Variants in PSORS1C1 observed in about 807,000 individuals in gnomAD.
PSORS1C1 encodes psoriasis susceptibility 1 candidate 1.
PSORS1C1 carries 7 observed loss-of-function variants against 9.4 expected under a neutral mutation model. The ratio of observed to expected loss-of-function variants is 0.75; its 90% confidence interval spans 0.42 to 1.40. The LOEUF (loss-of-function observed/expected upper bound fraction) is 1.40, where lower values mean the gene tolerates loss of function less well. Ranked by LOEUF, PSORS1C1 falls within the 40% of genes most tolerant of loss-of-function variation. The pLI is 0.01. For synonymous variants in PSORS1C1, 63 were observed against 69.4 expected, an observed-to-expected ratio of 0.91 and a Z score of 0.46; for missense variants, 146 against 178.1, an observed-to-expected ratio of 0.82 and a Z score of 1.02.
intron 3 of PSORS1C1, among the ~76,000 whole-genome samples, chr6:31,135,220 C>G (rs767969349): frequency 1.3e-5 from 2 of 152,098 alleles, no homozygotes; most frequent in Non-Finnish European, 2.9e-5. Context: ...AATCACATCA[C>G]TATTTATGTA....
At position 31,128,816 on chromosome 6, in the gene PSORS1C1, C is replaced by T. The variant is rs1393180792; in HGVS notation, c.-64-753C>T. 6.6e-6 allele frequency among the ~76,000 whole-genome samples: 1 copy of T among 152,094 alleles called. No homozygotes were observed. The highest frequency in any genetic ancestry group is 1.5e-5 in the Non-Finnish European group (1 of 68,022). On this transcript the variant is annotated intron_variant, in intron 2 of 5. Coordinates refer to ENST00000259881, the MANE Select transcript of PSORS1C1 (RefSeq NM_014068.3). This position sits in a 1 kb window ranked among gnomAD's most constrained non-coding sequence, Gnocchi z 4.3. ...CTGGGCTCCTACGTCAGGGTTTGCC[C>T]CCTCTCTAATTTAACTTTTTATCAA...
intron 1 of PSORS1C1, among the ~76,000 whole-genome samples, chr6:31,122,652 G>A (rs1466012593): frequency 2.6e-5 from 4 of 152,144 alleles, no homozygotes; most frequent in South Asian, 2.1e-4. Context: ...GGTGGTGGGC[G>A]CCTGTAATCC....
At chr6:31,122,651 C>T (rs1423188908) in intron 1 of PSORS1C1, among the ~76,000 whole-genome samples, 2 of 152,134 alleles carry the variant, frequency 1.3e-5, no homozygotes, top group African/African-American at 2.4e-5. Context: ...TGGTGGTGGG[C>T]GCCTGTAATC....
intron 1 of PSORS1C1, chr6:31,116,725 T>A: frequency 6.2e-7 from 1 of 1,612,824 alleles, no homozygotes; most frequent in South Asian, 1.1e-5. Context: ...ACCCACCACC[T>A]CGTAGCCACC....
chr6:31,124,543 T>G (rs1772599387), intron 1 of PSORS1C1, among the ~76,000 whole-genome samples: 1 of 152,214 alleles, frequency 6.6e-6, no homozygotes, highest in Non-Finnish European at 1.5e-5. Context: ...ATAGATCCTA[T>G]TACTCTGCAG....
Position 31,128,176 on chromosome 6 carries a change from C to T in PSORS1C1, c.-64-1393C>T, listed in dbSNP as rs1007517262. ...GCTCACCTTAGAACGGTCACCTTGA[C>T]GGCTAAAGGGACACCTGTGTGCCTT... On this transcript the variant is annotated intron_variant, in intron 2 of 5. Transcript: ENST00000259881. This position sits in a 1 kb window ranked among gnomAD's most constrained non-coding sequence, Gnocchi z 4.3. Among the ~76,000 whole-genome samples the T allele has an allele frequency of 7.2e-5, 11 of 152,214 alleles. No individual in the cohort carries two copies. The highest frequency in any genetic ancestry group is 1.4e-4 in the African/African-American group (6 of 41,450).
intron 1 of PSORS1C1, chr6:31,117,021 A>G: frequency 6.2e-7 from 1 of 1,614,226 alleles, no homozygotes; most frequent in Non-Finnish European, 8.5e-7. Flanking sequence ...AGGTCTGGGA[A>G]GAGGAAGAGC....
chr6:31,127,843 G>A (rs115307411), intron 2 of PSORS1C1, among the ~76,000 whole-genome samples: 17 of 87,504 alleles, frequency 1.9e-4, no homozygotes, highest in Non-Finnish European at 3.2e-4. Context: ...ACACACGTTT[G>A]GGACCATCCC....
chr6:31,116,712 G>A lies in PSORS1C1; in HGVS notation c.-229+1821G>A, dbSNP rs200639568. On this transcript the variant is annotated intron_variant, in intron 1 of 5. Coordinates refer to ENST00000259881, the MANE Select transcript of PSORS1C1 (RefSeq NM_014068.3). ...CTGGAACCAGATAACTGTCAGAGGAGCCACCCACCACCTCGTAGCCACCAT... is the reference window on the plus strand; with the variant it reads ...CTGGAACCAGATAACTGTCAGAGGAACCACCCACCACCTCGTAGCCACCAT... 3.2e-5 allele frequency: 52 copies of A among 1,612,668 alleles called. No individual in the cohort carries two copies. In the Admixed American group the frequency reaches 8.5e-4, roughly 26 times the overall value.
At chr6:31,133,182 G>A (rs970541966) in intron 3 of PSORS1C1, among the ~76,000 whole-genome samples, 14 of 151,976 alleles carry the variant, frequency 9.2e-5, no homozygotes, top group Non-Finnish European at 1.6e-4. Flanking sequence ...GAAGAAATGC[G>A]TAGAACACAG....
chr6:31,137,664 A>G (rs1561775003), intron 3 of PSORS1C1: 2 of 360,420 alleles, frequency 5.5e-6, no homozygotes, highest in Non-Finnish European at 9.9e-6. Flanking sequence ...TCGCGCGGGC[A>G]GGAAGACCGG....
chr6:31,116,022 T>C (rs200992287), intron 1 of PSORS1C1: 17 of 389,046 alleles, frequency 4.4e-5, no homozygotes, highest in Non-Finnish European at 5.3e-5. Context: ...AACAGTTGAC[T>C]TCTTATGGAC....
rs142570009 is a variant in PSORS1C1 at position 31,116,203 on chromosome 6, G to A, written c.-229+1312G>A. On this transcript the variant is annotated intron_variant, in intron 1 of 5. Transcript: ENST00000259881. ...GGGATCAGGATGGGGAGAGCCATCG[G>A]GGCCCCCAGTCAGTGTCAAGGAGGA... The A allele has an allele frequency of 6.6e-5, 107 of 1,613,624 alleles. No individual in the cohort carries two copies. The highest frequency in any genetic ancestry group is 8.3e-5 in the Non-Finnish European group (98 of 1,179,778).
intron 1 of PSORS1C1, chr6:31,117,670 G>T: frequency 2.8e-6 from 2 of 725,484 alleles, no homozygotes; most frequent in Non-Finnish European, 4.8e-6. Flanking sequence ...AAAGGAGGAA[G>T]AACTGGCTAT....
At chr6:31,118,150 A>G (rs1426957171) in intron 1 of PSORS1C1, 1 of 153,536 alleles carries the variant, frequency 6.5e-6, no homozygotes, top group African/African-American at 2.4e-5. Flanking sequence ...TGAGAAGTGG[A>G]GACACATATA....
chr6:31,119,328 G>C (rs1772340103), intron 1 of PSORS1C1, among the ~76,000 whole-genome samples: 1 of 152,190 alleles, frequency 6.6e-6, no homozygotes, highest in South Asian at 2.1e-4. Flanking sequence ...TCCTCTGCAC[G>C]AATCCACCAT....
intron 1 of PSORS1C1, chr6:31,120,558 G>A: frequency 2.7e-6 from 2 of 745,186 alleles, no homozygotes; most frequent in South Asian, 1.5e-5. Flanking sequence ...AGGGGAAGTT[G>A]GTGTGGCCGG....
intron 1 of PSORS1C1, among the ~76,000 whole-genome samples, chr6:31,122,831 T>A (rs1188070743): frequency 6.6e-6 from 1 of 151,936 alleles, no homozygotes; most frequent in Non-Finnish European, 1.5e-5. Flanking sequence ...CCTGTGGGCC[T>A]CCCTAGACTC....
At chr6:31,133,512 C>T (rs941055523) in intron 3 of PSORS1C1, 8 of 152,288 alleles carry the variant, frequency 5.3e-5, no homozygotes, top group African/African-American at 1.2e-4. Flanking sequence ...GTCTGCCCTT[C>T]CTGGTCCATC....
Sources: allele counts gnomAD v4.1 joint callset (sites outside exome capture counted in the v4.1 genomes callset), GRCh38; gene constraint gnomAD v4.1.1; non-coding constraint Gnocchi (gnomAD v3.1); transcripts MANE v1.5; gene names NCBI Gene and HGNC (gene_info 2026-07-23, HGNC 2026-07-21).